The following FAM228B variants were observed in gnomAD, a reference collection of about 807,000 sequenced individuals.
The protein encoded by FAM228B is protein FAM228B.
FAM228B carries 38 observed loss-of-function variants against 42.6 expected under a neutral mutation model. The observed-to-expected ratio is 0.89, with a 90% confidence interval of 0.69 to 1.17. The LOEUF (loss-of-function observed/expected upper bound fraction) is 1.17. Among genes scored for constraint, FAM228B ranks in the 50% most tolerant of loss-of-function variants. The pLI, the probability that FAM228B is intolerant of heterozygous loss-of-function variation, is 0.00. For synonymous variants in FAM228B, 109 were observed against 122.3 expected (o/e 0.89, Z 0.72); for missense variants, 344 against 367.3 (o/e 0.94, Z 0.52).
chr2:24,122,877 A>T (rs1666165286), upstream of FAM228B: 1 of 179,402 alleles, frequency 5.6e-6, no homozygotes. Context: ...AAAACTCTGT[A>T]AAATAAAAAA....
At chr2:24,148,582 A>G (rs919904689) in intron 7 of FAM228B, among the ~76,000 whole-genome samples, 3 of 151,772 alleles carry the variant, frequency 2.0e-5, no homozygotes, top group African/African-American at 7.3e-5. Flanking sequence ...TAATTTGTAA[A>G]TTTAATTTTT....
At chr2:24,159,015 G>A (rs146208768) in intron 7 of FAM228B, among the ~76,000 whole-genome samples, 41 of 152,160 alleles carry the variant, frequency 2.7e-4, no homozygotes, top group African/African-American at 8.9e-4. Flanking sequence ...GGTGTTCCTC[G>A]GTTTATAGCC....
In FAM228B at chr2:24,135,127, T is replaced by C. The variant is rs1007031112; in HGVS notation, c.108T>C (p.Ala36=). 7 of 1,504,576 alleles carry C rather than the reference T, an allele frequency of 4.7e-6. No individual in the cohort carries two copies. The African/African-American group carries it at 8.4e-5, about 18-fold the overall frequency. The allele number at this position is 1,504,576 out of a possible 1,614,324, so 93.2% of individuals were successfully genotyped here. The change falls in exon 3 of 11, where the codon GCT becomes GCC. Residue 36 remains alanine (A), a synonymous_variant. Coordinates refer to ENST00000615575, the MANE Select transcript of FAM228B (RefSeq NM_001145710.2). ...PKPLCFMEVL[A]KEDTEAAIQS... Reference sequence around the variant, plus strand: ...TAATTCTGTCCTTTCAGGTTTTAGCTAAAGAAGATACTGAGGCAGCTATTC... The same window carrying C: ...TAATTCTGTCCTTTCAGGTTTTAGCCAAAGAAGATACTGAGGCAGCTATTC...
intron 8 of FAM228B, among the ~76,000 whole-genome samples, chr2:24,163,200 G>A (rs1667322617): frequency 6.6e-6 from 1 of 152,192 alleles, no homozygotes; most frequent in Non-Finnish European, 1.5e-5. Flanking sequence ...CCCGAAGTAA[G>A]CTGCAGTAGT....
chr2:24,141,577 A>G (rs1221958126), intron 5 of FAM228B, among the ~76,000 whole-genome samples: 3 of 150,770 alleles, frequency 2.0e-5, no homozygotes, highest in Admixed American at 1.3e-4. Context: ...ACGGGGTTTC[A>G]CCATGTTGAT....
chr2:24,080,952 C>T lies in FAM228B; in HGVS notation c.-213C>T. 6.2e-7 allele frequency: 1 copy of T among 1,614,190 alleles called. No individual in the cohort carries two copies. The highest frequency in any genetic ancestry group is 8.5e-7 in the Non-Finnish European group (1 of 1,180,040). ...TGACCAGAGGAATAGCTCCAGCCAT[C>T]CGGGTGAGTTGGATAGCAGCTGTGC... On this transcript the variant is annotated 5_prime_UTR_variant, in exon 2 of 11. Coordinates refer to the FAM228B transcript ENST00000613899. This position sits in a 1 kb window ranked among gnomAD's most constrained non-coding sequence, Gnocchi z 4.7.
intron 3 of FAM228B, among the ~76,000 whole-genome samples, chr2:24,100,149 T>C (rs1356421086): frequency 1.3e-5 from 2 of 152,258 alleles, no homozygotes; most frequent in Middle Eastern, 6.8e-3. Context: ...ATGTTAGACC[T>C]AAAACCATAA....
chr2:24,119,609 G>C, upstream of FAM228B: 1 of 1,613,916 alleles, frequency 6.2e-7, no homozygotes, highest in East Asian at 2.2e-5. Context: ...ACAGATGCTA[G>C]GATACATGCC....
At chr2:24,159,451 G>A (rs923860261) in intron 7 of FAM228B, among the ~76,000 whole-genome samples, 1 of 152,174 alleles carries the variant, frequency 6.6e-6, no homozygotes, top group African/African-American at 2.4e-5. Context: ...GCAGACAAAG[G>A]TAGAACTTGG....
chr2:24,154,963 C>T (rs898670880), intron 7 of FAM228B, among the ~76,000 whole-genome samples: 1 of 152,094 alleles, frequency 6.6e-6, no homozygotes, highest in Non-Finnish European at 1.5e-5. Flanking sequence ...CAGAAATAAA[C>T]CTTAAAACAG....
intron 2 of FAM228B, among the ~76,000 whole-genome samples, chr2:24,124,885 C>A (rs1418199469): frequency 6.6e-6 from 1 of 152,068 alleles, no homozygotes; most frequent in Non-Finnish European, 1.5e-5. Flanking sequence ...TGTAGAGATA[C>A]AAAAAATCTC....
chr2:24,141,625 G>A (rs552379676), intron 5 of FAM228B, among the ~76,000 whole-genome samples: 22 of 152,150 alleles, frequency 1.4e-4, no homozygotes, highest in African/African-American at 5.1e-4. Context: ...TGATCCGCCC[G>A]CCTTGGCCTC....
chr2:24,166,037 T>C (rs1667394692), intron 9 of FAM228B: 1 of 18,060 alleles, frequency 5.5e-5, no homozygotes, highest in Non-Finnish European at 1.5e-4. Context: ...AGCAGAACTC[T>C]GTCTAAAAAA....
At chr2:24,140,316 A>G (rs1318802031) in intron 5 of FAM228B, among the ~76,000 whole-genome samples, 1 of 152,122 alleles carries the variant, frequency 6.6e-6, no homozygotes, top group Non-Finnish European at 1.5e-5. Context: ...AGCTGTGATT[A>G]CAGGCGTGTG....
At chr2:24,103,663 G>A (rs1005277617) in intron 3 of FAM228B, among the ~76,000 whole-genome samples, 1 of 152,206 alleles carries the variant, frequency 6.6e-6, no homozygotes, top group Admixed American at 6.5e-5. Context: ...AATGCAGCGG[G>A]TGTGTTTAGG....
intron 7 of FAM228B, among the ~76,000 whole-genome samples, chr2:24,149,235 G>A (rs1303073482): frequency 1.3e-5 from 2 of 152,172 alleles, no homozygotes; most frequent in Non-Finnish European, 2.9e-5. Flanking sequence ...TTTTGAGTGT[G>A]TACACAACAG....
At chr2:24,132,565 C>G (rs1025747641) in intron 2 of FAM228B, among the ~76,000 whole-genome samples, 1 of 143,350 alleles carries the variant, frequency 7.0e-6, no homozygotes, top group African/African-American at 2.6e-5. Context: ...ACTTCTTCCT[C>G]GTTTAGTCTT....
At chr2:24,120,439 A>G (rs1666072295), upstream of FAM228B, among the ~76,000 whole-genome samples, 1 of 152,262 alleles carries the variant, frequency 6.6e-6, no homozygotes, top group Admixed American at 6.5e-5. Flanking sequence ...CATCTGTAAA[A>G]TGAGATTATT....
intron 5 of FAM228B, among the ~76,000 whole-genome samples, chr2:24,141,624 C>T (rs531080707): frequency 7.2e-4 from 110 of 152,214 alleles, no homozygotes; most frequent in Non-Finnish European, 1.3e-3. Context: ...GTGATCCGCC[C>T]GCCTTGGCCT....
Sources: allele counts gnomAD v4.1 joint callset (sites outside exome capture counted in the v4.1 genomes callset), GRCh38; gene constraint gnomAD v4.1.1; non-coding constraint Gnocchi (gnomAD v3.1); transcripts MANE v1.5; gene names NCBI Gene and HGNC (gene_info 2026-07-23, HGNC 2026-07-21).